The following TMTC2 variants were observed in gnomAD, a reference collection of about 807,000 sequenced individuals.
TMTC2 encodes transmembrane O-mannosyltransferase targeting cadherins 2.
Under a neutral mutation model 82.4 loss-of-function variants are expected in TMTC2, and 43 were observed. That is an observed-to-expected ratio of 0.52 (90% confidence interval 0.41 to 0.67). The LOEUF is 0.67. Among genes scored for constraint, TMTC2 ranks in the 30% least tolerant of loss-of-function variants. The pLI is 0.00. For missense variants in TMTC2, 919 were observed against 1,012.4 expected, an observed-to-expected ratio of 0.91 and a Z score of 1.25; for synonymous variants, 408 against 381.9, an observed-to-expected ratio of 1.07 and a Z score of -0.80.
chr12:82,734,148 A>T (rs1307139114), intron 1 of TMTC2, among the ~76,000 whole-genome samples: 2 of 152,200 alleles, frequency 1.3e-5, no homozygotes, highest in Non-Finnish European at 2.9e-5. Context: ...AGATAATTGC[A>T]ATGTTTGTGA....
At chr12:82,916,332 G>T (rs1339383217) in intron 3 of TMTC2, among the ~76,000 whole-genome samples, 1 of 152,194 alleles carries the variant, frequency 6.6e-6, no homozygotes, top group Non-Finnish European at 1.5e-5. Context: ...ATTTGAAAAT[G>T]CAGTTATATT....
At chr12:83,075,823 G>A (rs981940041) in intron 11 of TMTC2, among the ~76,000 whole-genome samples, 1 of 152,226 alleles carries the variant, frequency 6.6e-6, no homozygotes, top group Non-Finnish European at 1.5e-5. Flanking sequence ...TTATGTTCAT[G>A]CTGCAGTATG....
At chr12:82,708,563 C>T (rs1409473818) in intron 1 of TMTC2, among the ~76,000 whole-genome samples, 1 of 152,162 alleles carries the variant, frequency 6.6e-6, no homozygotes, top group Non-Finnish European at 1.5e-5. Context: ...TGGCGAGCAG[C>T]GATTTTCATG....
intron 1 of TMTC2, among the ~76,000 whole-genome samples, chr12:82,830,223 C>A (rs551831639): frequency 8.5e-5 from 13 of 152,124 alleles, no homozygotes; most frequent in Non-Finnish European, 1.8e-4. Flanking sequence ...AATTAAACTG[C>A]ATTGTCTCAA....
rs1484717182 is a variant in TMTC2, at chr12:82,832,268, G to T, written c.84-24742G>T. Among the ~76,000 whole-genome samples the T allele has an allele frequency of 2.0e-5, 3 of 151,346 alleles. No homozygotes were observed. The East Asian group carries it at 5.8e-4, about 29-fold the overall frequency. Reference sequence around the variant, plus strand: ...TAAAATATAACTCTGCAAGCTAGTGGTTACATAGTAAGATTTCTTGCTAAA... The same window carrying T: ...TAAAATATAACTCTGCAAGCTAGTGTTTACATAGTAAGATTTCTTGCTAAA... On this transcript the variant is annotated intron_variant, in intron 1 of 11. Transcript: ENST00000321196.
chr12:82,858,579 A>C (rs1565781167), intron 2 of TMTC2, among the ~76,000 whole-genome samples: 1 of 152,136 alleles, frequency 6.6e-6, no homozygotes, highest in Non-Finnish European at 1.5e-5. Flanking sequence ...TTTTATTTAA[A>C]ATTGAGAAGA....
In TMTC2 at chr12:82,708,297, G is replaced by A. The variant is rs576915227; in HGVS notation, c.83+20628G>A. 5.3e-5 allele frequency among the ~76,000 whole-genome samples: 8 copies of A among 152,248 alleles called. No individual in the cohort carries two copies. The East Asian group carries it at 1.2e-3, about 22-fold the overall frequency. ...ATCTGGACATTCTCAGGGGTTCTCC[G>A]ACCACAGTTGAGAAACACAGGTCTA... On this transcript the variant is annotated intron_variant, in intron 1 of 11. Coordinates refer to ENST00000321196, the MANE Select transcript of TMTC2 (RefSeq NM_152588.3).
intron 8 of TMTC2, among the ~76,000 whole-genome samples, chr12:83,013,329 G>T (rs1880541519): frequency 6.6e-6 from 1 of 152,108 alleles, no homozygotes; most frequent in Non-Finnish European, 1.5e-5. Flanking sequence ...ACAGTTATAT[G>T]AAATCTTTTT....
intron 11 of TMTC2, among the ~76,000 whole-genome samples, chr12:83,117,430 G>T (rs1305060685): frequency 6.6e-6 from 1 of 152,178 alleles, no homozygotes; most frequent in African/African-American, 2.4e-5. Flanking sequence ...CTACGATCAA[G>T]TGGGTTTCAT....
In TMTC2 at chr12:83,132,384, A is replaced by T. The variant is rs747886134; in HGVS notation, c.2506A>T (p.Thr836Ser). The stretch of plus-strand genomic sequence containing the variant: ...AAAACAAGGCTTAAAGACTTCTAAG[A>T]CCTGACACAGGAGGCAGAAGCCCAT... ...MEKQGLKTSK[T>S] Residue 836 changes from threonine (T) to serine (S), a missense_variant, in exon 12 of 12, where the codon ACC becomes TCC. Thr to Ser is a moderately conservative substitution (Grantham distance 58). Coordinates refer to ENST00000321196, the MANE Select transcript of TMTC2 (RefSeq NM_152588.3). The T allele has an allele frequency of 5.6e-6, 9 of 1,613,252 alleles. No individual in the cohort carries two copies. In the African/African-American group the frequency reaches 1.1e-4, roughly 19 times the overall value.
chr12:82,725,634 G>C (rs1874412754), intron 1 of TMTC2, among the ~76,000 whole-genome samples: 1 of 152,194 alleles, frequency 6.6e-6, no homozygotes, highest in South Asian at 2.1e-4. Context: ...CATGTGCCAA[G>C]GTGGTTGGGG....
chr12:82,922,329 T>G (rs909268759), intron 3 of TMTC2, among the ~76,000 whole-genome samples: 1 of 152,194 alleles, frequency 6.6e-6, no homozygotes, highest in Non-Finnish European at 1.5e-5. Context: ...AAGTGAAAAT[T>G]TGAAGATAAT....
At chr12:82,830,436 T>C (rs1869686835) in intron 1 of TMTC2, among the ~76,000 whole-genome samples, 1 of 152,070 alleles carries the variant, frequency 6.6e-6, no homozygotes, top group Non-Finnish European at 1.5e-5. Flanking sequence ...AGTTTATTGG[T>C]GATACTGACA....
At chr12:82,783,326 GAGAGA>G (rs1467778391) in intron 1 of TMTC2, among the ~76,000 whole-genome samples, 4 of 147,146 alleles carry the variant, frequency 2.7e-5, no homozygotes, top group African/African-American at 1.0e-4. Flanking sequence ...GTGTGTCTGA[GAGAGA>G]GGGGTGGGGG....
rs547842827 is a variant in TMTC2, at chr12:82,711,437, TA to T, written c.83+23779del. ...TAATAAAATGGGGGAAATATGTTGT[TA>T]AAAAAAAAAACGAAAAAGGGCAAGA... On this transcript the variant is annotated intron_variant, in intron 1 of 11. Coordinates refer to ENST00000321196, the MANE Select transcript of TMTC2 (RefSeq NM_152588.3). Among the ~76,000 whole-genome samples, 567 of 143,634 alleles carry T rather than the reference TA, an allele frequency of 3.9e-3. 3 individuals are homozygous for T. Among genetic ancestry groups the T allele is most frequent in the African/African-American group, 0.012 (476 of 39,406 alleles). 94.2% of individuals were successfully genotyped at this position (143,634 alleles called of 152,430 possible). A position where few individuals can be genotyped will look rare whatever the true frequency, so the allele number is the denominator to read the frequency against.
intron 1 of TMTC2, among the ~76,000 whole-genome samples, chr12:82,728,346 G>C (rs180954481): frequency 1.1e-3 from 166 of 152,024 alleles, no homozygotes; most frequent in Admixed American, 9.5e-3. Flanking sequence ...TTTATAAAAA[G>C]GTTTTTTTTT....
chr12:83,014,757 A>G (rs1005614706), intron 8 of TMTC2, among the ~76,000 whole-genome samples: 4 of 151,934 alleles, frequency 2.6e-5, no homozygotes, highest in African/African-American at 9.7e-5. Context: ...TTCACAATGT[A>G]TTATTGTACT....
At chr12:82,827,727 G>C (rs924829456) in intron 1 of TMTC2, among the ~76,000 whole-genome samples, 2 of 147,698 alleles carry the variant, frequency 1.4e-5, no homozygotes, top group Non-Finnish European at 3.0e-5. Flanking sequence ...CAGGAGCTCT[G>C]TCTGCTGCCC....
chr12:82,851,545 G>T (rs1870977685), intron 1 of TMTC2, among the ~76,000 whole-genome samples: 2 of 152,164 alleles, frequency 1.3e-5, no homozygotes, highest in African/African-American at 4.8e-5. Flanking sequence ...TACAGTTGAG[G>T]AAACTAAGGT....
Sources: allele counts gnomAD v4.1 joint callset (sites outside exome capture counted in the v4.1 genomes callset), GRCh38; gene constraint gnomAD v4.1.1; transcripts MANE v1.5; gene names NCBI Gene and HGNC (gene_info 2026-07-23, HGNC 2026-07-21).